The following WDFY3 variants were observed in gnomAD, a reference collection of about 807,000 sequenced individuals.
WDFY3 encodes WD repeat and FYVE domain containing 3, also known as WD repeat and FYVE domain-containing protein 3.
In WDFY3, 66 loss-of-function variants were observed where a neutral mutation model predicts 409.6. That is an observed-to-expected ratio of 0.16 (90% CI 0.13 to 0.20). WDFY3 has a LOEUF of 0.20. WDFY3 is among the 10% of genes least tolerant of loss of function. The probability of loss-of-function intolerance (pLI) is 1.00; values close to 1 mark genes in which losing one functional copy is unlikely to be tolerated. For missense variants in WDFY3, 3,031 were observed against 4,298.1 expected, an observed-to-expected ratio of 0.71 and a Z score of 8.24; for synonymous variants, 1,521 against 1,537.1, an observed-to-expected ratio of 0.99 and a Z score of 0.25.
chr4:84,800,871 C>T (rs1355387862), intron 17 of WDFY3, among the ~76,000 whole-genome samples: 1 of 152,158 alleles, frequency 6.6e-6, no homozygotes, highest in East Asian at 1.9e-4. Flanking sequence ...GGAGGCAGAG[C>T]ACAGGCGGAA....
At chr4:84,899,390 C>T (rs772817026) in intron 2 of WDFY3, among the ~76,000 whole-genome samples, 4 of 152,134 alleles carry the variant, frequency 2.6e-5, no homozygotes, top group Non-Finnish European at 4.4e-5. Context: ...AAAAACATCC[C>T]ATGATTCAAA....
intron 8 of WDFY3, among the ~76,000 whole-genome samples, chr4:84,829,810 A>AAAT (rs1553975900): frequency 7.2e-6 from 1 of 138,694 alleles, no homozygotes; most frequent in Non-Finnish European, 1.5e-5. Context: ...AGACTGTCTC[A>AAAT]AAATAAATAA....
At chr4:84,754,851 AT>A (rs1368732333) in intron 34 of WDFY3, among the ~76,000 whole-genome samples, 14 of 152,166 alleles carry the variant, frequency 9.2e-5, no homozygotes, top group Admixed American at 4.6e-4. Context: ...ATTATTATAT[AT>A]TTTATTACAT....
At chr4:84,910,205 T>C (rs1365412141) in intron 2 of WDFY3, among the ~76,000 whole-genome samples, 1 of 152,148 alleles carries the variant, frequency 6.6e-6, no homozygotes, top group Non-Finnish European at 1.5e-5. Context: ...CGATTTACAG[T>C]ATACAGGAGG....
intron 8 of WDFY3, among the ~76,000 whole-genome samples, chr4:84,831,072 A>G (rs1391207797): frequency 2.0e-5 from 3 of 151,682 alleles, no homozygotes; most frequent in African/African-American, 7.3e-5. Flanking sequence ...CTGTAATCCC[A>G]GCTACTCAGG....
At chr4:84,925,657 G>T (rs1247019126) in intron 2 of WDFY3, among the ~76,000 whole-genome samples, 1 of 152,154 alleles carries the variant, frequency 6.6e-6, no homozygotes, top group African/African-American at 2.4e-5. Flanking sequence ...TTAAGATATG[G>T]ACTGAATTTA....
At chr4:84,871,130 G>A (rs928020310) in intron 3 of WDFY3, among the ~76,000 whole-genome samples, 1 of 151,976 alleles carries the variant, frequency 6.6e-6, no homozygotes, top group Non-Finnish European at 1.5e-5. Flanking sequence ...CCCAGAGAAC[G>A]CCAACATGAT....
intron 46 of WDFY3, among the ~76,000 whole-genome samples, chr4:84,722,980 C>T (rs1735081829): frequency 6.6e-6 from 1 of 152,192 alleles, no homozygotes; most frequent in African/African-American, 2.4e-5. Context: ...ATCAAAACCT[C>T]CATTTCTATG....
At chr4:84,797,248 C>A (rs1479291309) in intron 18 of WDFY3, among the ~76,000 whole-genome samples, 1 of 152,042 alleles carries the variant, frequency 6.6e-6, no homozygotes. Flanking sequence ...TCTTTCCTTA[C>A]AATTATTAGA....
At chr4:84,772,530 A>C (rs935656882) in intron 30 of WDFY3, among the ~76,000 whole-genome samples, 15 of 152,128 alleles carry the variant, frequency 9.9e-5, no homozygotes, top group Non-Finnish European at 2.2e-4. Context: ...TTAAAAAATC[A>C]AATAATGTTC....
intron 1 of WDFY3, among the ~76,000 whole-genome samples, chr4:84,947,554 T>TAAATA (rs1165468400): frequency 6.9e-5 from 10 of 143,898 alleles, no homozygotes; most frequent in South Asian, 2.2e-4. Context: ...AAATAATAAA[T>TAAATA]AAATAAAATA....
chr4:84,820,050 C>A (rs1338906730), intron 12 of WDFY3, 35 bp downstream of exon 12: 1 of 1,542,592 alleles, frequency 6.5e-7, no homozygotes, highest in African/African-American at 1.4e-5. Flanking sequence ...CAGTGGTAAT[C>A]TCCCAAAGTA....
chr4:84,821,247 A>G lies in WDFY3; in HGVS notation c.1428T>C (p.Tyr476=). ...TTTTCATTGCAATAATGCTACAGTG[A>G]TAAGAAGAGCTAGATTTTAAGAGGA... ...VSILLKSSSS[Y]HCSIIAMKTL... The change falls in exon 11 of 68, where the codon TAT becomes TAC. Residue 476 remains tyrosine, a synonymous_variant. Transcript: ENST00000295888. The G allele has an allele frequency of 1.2e-6, 2 of 1,613,752 alleles. No individual in the cohort carries two copies. Among genetic ancestry groups the G allele is most frequent in the Non-Finnish European group, 1.7e-6 (2 of 1,179,814 alleles).
chr4:84,672,804 A>T lies in WDFY3; in HGVS notation c.*64T>A. On this transcript the variant is annotated 3_prime_UTR_variant, in exon 68 of 68. Coordinates refer to ENST00000295888, the MANE Select transcript of WDFY3 (RefSeq NM_014991.6). ...CGGAGACTGTTTTCAATGCCTTCCA[A>T]GCTGGGACAGGAGAATCGGGAAGGG... is the stretch of plus-strand genomic sequence containing the variant. 6.3e-7 allele frequency: 1 copy of T among 1,594,118 alleles called. No homozygotes were observed. The highest frequency in any genetic ancestry group is 8.5e-7 in the Non-Finnish European group (1 of 1,171,472).
intron 15 of WDFY3, among the ~76,000 whole-genome samples, chr4:84,807,592 G>A (rs1182111767): frequency 6.6e-6 from 1 of 152,074 alleles, no homozygotes; most frequent in African/African-American, 2.4e-5. Context: ...ACTTATTTTT[G>A]GTTATGAGGA....
At chr4:84,840,196 T>A (rs1757135491) in intron 6 of WDFY3, among the ~76,000 whole-genome samples, 1 of 152,012 alleles carries the variant, frequency 6.6e-6, no homozygotes, top group Non-Finnish European at 1.5e-5. Flanking sequence ...CCCCAAAACA[T>A]GAAAGGCCAA....
intron 44 of WDFY3, among the ~76,000 whole-genome samples, chr4:84,729,275 A>G (rs1736175481): frequency 6.6e-6 from 1 of 151,970 alleles, no homozygotes. Flanking sequence ...CTCCCTTAGG[A>G]TTCAGAGGAA....
chr4:84,844,500 C>T, intron 5 of WDFY3: 1 of 1,289,538 alleles, frequency 7.8e-7, no homozygotes. Flanking sequence ...CAGCAGGGCA[C>T]ACTGTTTTTC....
At chr4:84,962,104 A>G (rs965028890) in intron 1 of WDFY3, among the ~76,000 whole-genome samples, 1 of 152,254 alleles carries the variant, frequency 6.6e-6, no homozygotes, top group Non-Finnish European at 1.5e-5. Flanking sequence ...ACCCTGGTGT[A>G]AAACAATGTT....
Sources: allele counts gnomAD v4.1 joint callset (sites outside exome capture counted in the v4.1 genomes callset), GRCh38; gene constraint gnomAD v4.1.1; transcripts MANE v1.5; gene names NCBI Gene and HGNC (gene_info 2026-07-23, HGNC 2026-07-21).